The following DDX10 variants were observed in gnomAD, a reference collection of about 807,000 sequenced individuals.
DDX10 encodes DEAD-box helicase 10, also known as probable ATP-dependent RNA helicase DDX10.
DDX10 carries 74 observed loss-of-function variants against 104.3 expected under a neutral mutation model. The observed-to-expected ratio is 0.71, with a 90% CI of 0.59 to 0.86. The LOEUF is 0.86. Ranked by LOEUF, DDX10 falls within the 40% of genes least tolerant of loss-of-function variation. DDX10 has a pLI of 0.00. For missense variants in DDX10, 952 were observed against 1,040.0 expected (o/e 0.92, Z 1.16); for synonymous variants, 351 against 353.4 (o/e 0.99, Z 0.08).
intron 13 of DDX10, among the ~76,000 whole-genome samples, chr11:108,781,315 G>A (rs2094377805): frequency 6.6e-6 from 1 of 152,074 alleles, no homozygotes; most frequent in Non-Finnish European, 1.5e-5. Flanking sequence ...CCATTGATGG[G>A]GACCTAGGTT....
At chr11:108,698,703 T>G (rs2134455102) in intron 9 of DDX10, among the ~76,000 whole-genome samples, 1 of 152,326 alleles carries the variant, frequency 6.6e-6, no homozygotes, top group South Asian at 2.1e-4. Flanking sequence ...GGCACAGTGT[T>G]CCTTCTAAAA....
chr11:108,902,259 CAAGGTGTGCAGT>C, intron 16 of DDX10, among the ~76,000 whole-genome samples: 1 of 151,886 alleles, frequency 6.6e-6, no homozygotes, highest in South Asian at 2.1e-4. Flanking sequence ...ATCAAGAGTT[CAAGGTGTGCAGT>C]AATGCTTGTG....
chr11:108,812,091 A>T (rs961277334), intron 13 of DDX10, among the ~76,000 whole-genome samples: 1 of 152,154 alleles, frequency 6.6e-6, no homozygotes, highest in Non-Finnish European at 1.5e-5. Flanking sequence ...AAAAGTATTG[A>T]TAACTTTGCT....
chr11:108,923,942 C>T (rs942134353), intron 17 of DDX10, among the ~76,000 whole-genome samples: 3 of 152,120 alleles, frequency 2.0e-5, no homozygotes, highest in Non-Finnish European at 4.4e-5. Flanking sequence ...TCCGTTTAAA[C>T]TCTTCTTTCA....
intron 17 of DDX10, 122 bp downstream of exon 17, chr11:108,918,140 C>T (rs573028835): frequency 2.1e-6 from 2 of 964,512 alleles, no homozygotes; most frequent in Non-Finnish European, 3.2e-6. Context: ...TTTTTGATAC[C>T]TTTACTTAGA....
At chr11:108,726,232 A>C (rs1454644809) in intron 13 of DDX10, among the ~76,000 whole-genome samples, 2 of 152,034 alleles carry the variant, frequency 1.3e-5, no homozygotes, top group Non-Finnish European at 2.9e-5. Context: ...TGGCATTTTC[A>C]TGTAAGGTTT....
intron 14 of DDX10, among the ~76,000 whole-genome samples, chr11:108,840,005 C>G (rs1862615491): frequency 6.6e-6 from 1 of 152,182 alleles, no homozygotes; most frequent in Non-Finnish European, 1.5e-5. Flanking sequence ...ATGTTTGTGG[C>G]TGTGAGCCAT....
intron 7 of DDX10, 136 bp downstream of exon 7, chr11:108,689,198 C>T (rs2094248724): frequency 1.2e-6 from 1 of 858,316 alleles, no homozygotes; most frequent in African/African-American, 1.7e-5. Context: ...GTCCTTGTTG[C>T]AAAGGAATCC....
At chr11:108,668,863 T>C (rs2094213459) in intron 1 of DDX10, among the ~76,000 whole-genome samples, 2 of 152,066 alleles carry the variant, frequency 1.3e-5, no homozygotes. Context: ...TAGAGGATGG[T>C]GTAATTAGGG....
rs1433041652 is a variant in DDX10, at chr11:108,665,148, G to GC, written c.-4dup. 6.2e-7 allele frequency: 1 copy of GC among 1,602,096 alleles called. No individual in the cohort carries two copies. The highest frequency in any genetic ancestry group is 1.3e-5 in the African/African-American group (1 of 74,152). On this transcript the variant is annotated 5_prime_UTR_variant, in exon 1 of 18. Coordinates refer to ENST00000322536, the MANE Select transcript of DDX10 (RefSeq NM_004398.4). ...GTTGATCCGAGCTGTCGCCGCCGCC[G>GC]CCGCAATGGGCAAAACGGCCAACTC...
chr11:108,812,848 G>A (rs1475055015), intron 13 of DDX10, among the ~76,000 whole-genome samples: 2 of 151,794 alleles, frequency 1.3e-5, no homozygotes, highest in Non-Finnish European at 2.9e-5. Context: ...CGGGCATGGT[G>A]GCACATGTCT....
intron 5 of DDX10, among the ~76,000 whole-genome samples, chr11:108,678,667 A>G (rs916763738): frequency 6.6e-5 from 10 of 152,204 alleles, no homozygotes; most frequent in African/African-American, 2.4e-4. Context: ...GCACGTTAGT[A>G]TTAGACCATG....
At chr11:108,819,992 A>G (rs1266661849) in intron 13 of DDX10, among the ~76,000 whole-genome samples, 1 of 152,190 alleles carries the variant, frequency 6.6e-6, no homozygotes, top group Non-Finnish European at 1.5e-5. Flanking sequence ...GTTTATTTCA[A>G]TCAGTGGAAT....
chr11:108,712,840 A>G (rs2094286328), intron 10 of DDX10, among the ~76,000 whole-genome samples: 1 of 151,168 alleles, frequency 6.6e-6, no homozygotes, highest in Non-Finnish European at 1.5e-5. Context: ...TTTTAAACAT[A>G]TTTTGCAAGG....
chr11:108,783,955 C>G (rs999827288), intron 13 of DDX10, among the ~76,000 whole-genome samples: 1 of 152,170 alleles, frequency 6.6e-6, no homozygotes, highest in Non-Finnish European at 1.5e-5. Flanking sequence ...CTTAGGATAA[C>G]GGCCTCCAGC....
At chr11:108,836,482 G>T (rs952603203) in intron 13 of DDX10, among the ~76,000 whole-genome samples, 1 of 151,950 alleles carries the variant, frequency 6.6e-6, no homozygotes, top group Admixed American at 6.6e-5. Flanking sequence ...TTGCATGGTG[G>T]TTTTTTTGCT....
chr11:108,676,544 C>A (rs1203119040), intron 3 of DDX10, among the ~76,000 whole-genome samples: 1 of 152,148 alleles, frequency 6.6e-6, no homozygotes, highest in African/African-American at 2.4e-5. Flanking sequence ...CTCCCAGGTT[C>A]AAGCGATTCT....
chr11:108,755,836 G>A (rs2094343765), intron 13 of DDX10, among the ~76,000 whole-genome samples: 1 of 151,908 alleles, frequency 6.6e-6, no homozygotes, highest in African/African-American at 2.4e-5. Flanking sequence ...ACTAATAATA[G>A]TACTAGCTCA....
rs3063225 is a variant in DDX10, at chr11:108,804,498, CAAAAAAAAAA to C, written c.1966-33937_1966-33928del. 1.6e-4 allele frequency among the ~76,000 whole-genome samples: 15 copies of C among 93,516 alleles called. No individual in the cohort carries two copies. In the South Asian group the frequency reaches 4.6e-3, roughly 29 times the overall value. 61.4% of individuals were successfully genotyped at this position (93,516 alleles called of 152,430 possible). On this transcript the variant is annotated intron_variant, in intron 13 of 17. Coordinates refer to ENST00000322536, the MANE Select transcript of DDX10 (RefSeq NM_004398.4). ...TGGGTGACAGAGTGAGACCCTGTCT[CAAAAAAAAAA>C]AAAAAAAAAACCCTCCAAAAGAAGT...
Sources: gnomAD v4.1 joint callset for allele counts (sites outside exome capture counted in the v4.1 genomes callset) on GRCh38, gnomAD v4.1.1 for gene constraint, MANE v1.5 for transcripts, NCBI Gene and HGNC (gene_info 2026-07-23, HGNC 2026-07-21) for gene names.